PC: variants seen among roughly 807,000 people sequenced by gnomAD.
PC encodes pyruvate carboxylase, mitochondrial.
A neutral mutation model predicts 107.8 loss-of-function variants in PC; 46 were observed. The ratio of observed to expected loss-of-function variants is 0.43; its 90% CI spans 0.34 to 0.55. The LOEUF (loss-of-function observed/expected upper bound fraction) is 0.55. PC is among the 20% of genes least tolerant of loss of function. PC has a pLI of 0.04. For missense variants in PC, 1,241 were observed against 1,643.1 expected, an observed-to-expected ratio of 0.76 and a Z score of 4.23; for synonymous variants, 662 against 684.7, an observed-to-expected ratio of 0.97 and a Z score of 0.52.
At chr11:66,883,630 C>A (rs796751845) in intron 3 of PC, among the ~76,000 whole-genome samples, 2 of 152,174 alleles carry the variant, frequency 1.3e-5, no homozygotes, top group African/African-American at 4.8e-5. Flanking sequence ...CTTTAATAGA[C>A]ACTGTTAGGG....
chr11:66,853,061 G>A, intron 13 of PC, 178 bp downstream of exon 13: 1 of 736,252 alleles, frequency 1.4e-6, no homozygotes. Flanking sequence ...TCAGAAGCAA[G>A]GAGAGCAGTG....
chr11:66,851,615 G>A (rs1945495141), intron 16 of PC, among the ~76,000 whole-genome samples, 175 bp downstream of exon 16: 1 of 152,210 alleles, frequency 6.6e-6, no homozygotes, highest in South Asian at 2.1e-4. Context: ...AGCCTGTCTG[G>A]TTCTGCAACT....
At chr11:66,864,256 G>C (rs936422502) in intron 11 of PC, among the ~76,000 whole-genome samples, 12 of 152,228 alleles carry the variant, frequency 7.9e-5, no homozygotes, top group Non-Finnish European at 1.8e-4. Context: ...GGGCAGGCAG[G>C]GGCCAGCCCT....
At position 66,870,569 on chromosome 11, in the gene PC, A is replaced by T; in HGVS notation, c.752-116T>A. 2.3e-6 allele frequency: 3 copies of T among 1,278,076 alleles called. No individual in the cohort carries two copies. In the South Asian group the frequency reaches 3.7e-5, roughly 16 times the overall value. The allele number at this position is 1,278,076 out of a possible 1,614,324, so 79.2% of individuals were successfully genotyped here. On this transcript the variant is annotated intron_variant, in intron 8 of 22. Coordinates refer to ENST00000393960, the MANE Select transcript of PC (RefSeq NM_001040716.2). This position sits in a 1 kb window ranked among gnomAD's most constrained non-coding sequence, Gnocchi z 6.1. The stretch of plus-strand genomic sequence containing the variant: ...TCAGTGCCGGCTGCCAGCGGTACAG[A>T]GGCTGCCAGGAGAGACACCAGCATC...
Position 66,936,265 on chromosome 11 carries a change from G to A in PC, c.-1+16165C>T, listed in dbSNP as rs1442941281. ...CTGTCACACACACACACAAAAAAAA[G>A]GTGGGGGGGGAGAGAAAAAAAGAAA... On this transcript the variant is annotated intron_variant, in intron 3 of 22. Transcript: ENST00000393960. Among the ~76,000 whole-genome samples, 4 of 149,868 alleles carry A rather than the reference G, an allele frequency of 2.7e-5. No individual in the cohort carries two copies. In the South Asian group the frequency reaches 6.3e-4, roughly 23 times the overall value.
chr11:66,957,708 C>G lies in PC; in HGVS notation c.-228+614G>C, dbSNP rs1161492360. 1.3e-5 allele frequency: 2 copies of G among 152,260 alleles called. 1 individual carries two copies. The highest frequency in any genetic ancestry group is 6.3e-3 in the Middle Eastern group (2 of 316). 9.4% of individuals were successfully genotyped at this position (152,260 alleles called of 1,614,324 possible). A position where few individuals can be genotyped will look rare whatever the true frequency, so the allele number is the denominator to read the frequency against. ...GATGCGCTTTGTAAACTACTAAAAG[C>G]TGGAGAAATAAGGGGCTGAGCCCAG... On this transcript the variant is annotated intron_variant, in intron 1 of 22. Coordinates refer to ENST00000393960, the MANE Select transcript of PC (RefSeq NM_001040716.2).
At chr11:66,939,874 T>A (rs1261173017) in intron 3 of PC, among the ~76,000 whole-genome samples, 7 of 116,382 alleles carry the variant, frequency 6.0e-5, no homozygotes, top group African/African-American at 2.0e-4. Flanking sequence ...CAGAGACACA[T>A]GAGAAAGAAT....
At chr11:66,923,380 C>CAAA (rs1330022143) in intron 3 of PC, among the ~76,000 whole-genome samples, 210 of 104,492 alleles carry the variant, frequency 2.0e-3, no homozygotes, top group African/African-American at 7.5e-3. Flanking sequence ...GACTCCGTCT[C>CAAA]AAAAAAAAAA....
chr11:66,852,508 C>T lies in PC; in HGVS notation c.1756G>A (p.Asp586Asn), dbSNP rs371922891. 1.9e-5 allele frequency: 30 copies of T among 1,614,036 alleles called. No homozygotes were observed. The highest frequency in any genetic ancestry group is 2.0e-5 in the Non-Finnish European group (24 of 1,180,036). Residue 586 changes from aspartate to asparagine, a missense_variant, in exon 15 of 23, where the codon GAT becomes AAT. Around this residue, in one of 2 missense-constraint regions of PC, gnomAD observed 1,143 missense variants for 1,551.9 expected, o/e 0.74. Transcript: ENST00000393960. This position sits in a 1 kb window ranked among gnomAD's most constrained non-coding sequence, Gnocchi z 4.7. ...ACATAGGGGGCGATCTTTTTGAGAT[C>T]GTGGGTGCGCACACGAGTGGCCAGC... Reference protein sequence around the residue: ...SLLATRVRTHDLKKIAPYVAH... With the variant: ...SLLATRVRTHNLKKIAPYVAH...
At chr11:66,953,150 A>G (rs1175256745) in intron 2 of PC, among the ~76,000 whole-genome samples, 1 of 152,120 alleles carries the variant, frequency 6.6e-6, no homozygotes, top group Non-Finnish European at 1.5e-5. Context: ...TCTGCCACCC[A>G]CTACACATGA....
chr11:66,858,473 G>C lies in PC; in HGVS notation c.1369-5090C>G, dbSNP rs1457666425. On this transcript the variant is annotated intron_variant, in intron 12 of 22. Coordinates refer to ENST00000393960, the MANE Select transcript of PC (RefSeq NM_001040716.2). The surrounding 1 kb of genome is among the most constrained non-coding windows in gnomAD (Gnocchi z 5.9). The stretch of plus-strand genomic sequence containing the variant: ...CCCTGCACTGCAACTGTGAGCTGCT[G>C]TGGCTGCGGCGGCTGGCGCGGCCGG... 3.2e-6 allele frequency: 5 copies of C among 1,546,810 alleles called. No homozygotes were observed. The highest frequency in any genetic ancestry group is 4.3e-6 in the Non-Finnish European group (5 of 1,152,670).
chr11:66,852,560 C>G lies in PC; in HGVS notation c.1704G>C (p.Thr568=). ...RNHPGLLLMD[T]TFRDAHQSLL... ...GTGACTGGTGGGCGTCCCTGAAGGTCGTGTCCATCAGCAGCAGCCCCGGGT... is the reference window on the plus strand; with the variant it reads ...GTGACTGGTGGGCGTCCCTGAAGGTGGTGTCCATCAGCAGCAGCCCCGGGT... Residue 568 remains threonine, a synonymous_variant, in exon 15 of 23, where the codon ACG becomes ACC. Transcript: ENST00000393960. This position sits in a 1 kb window ranked among gnomAD's most constrained non-coding sequence, Gnocchi z 4.7. The G allele has an allele frequency of 6.2e-7, 1 of 1,614,018 alleles. No individual in the cohort carries two copies.
rs1404381898 is a variant in PC, at chr11:66,858,523, CGCCCGGCCTGGCCG to C, written c.1369-5154_1369-5141del. On this transcript the variant is annotated intron_variant, in intron 12 of 22. Transcript: ENST00000393960. This position sits in a 1 kb window ranked among gnomAD's most constrained non-coding sequence, Gnocchi z 5.9. Reference sequence around the variant, plus strand: ...GACGACCTGGAAACGTGCGCCTCCCCGCCCGGCCTGGCCGGCCGCTACTTCTGGGCAGTGCCCGA... The same window carrying C: ...GACGACCTGGAAACGTGCGCCTCCCCGCCGCTACTTCTGGGCAGTGCCCGA... 2.6e-6 allele frequency: 4 copies of C among 1,534,434 alleles called. No individual in the cohort carries two copies. Among genetic ancestry groups the C allele is most frequent in the Non-Finnish European group, 3.5e-6 (4 of 1,145,694 alleles).
chr11:66,848,778 T>C lies in PC; in HGVS notation c.*121A>G. ...AGGCGGTGTCTCTCCTGTCCAGCTG[T>C]GGACAGGACCTCCACGGCCCGGCCT... is the stretch of plus-strand genomic sequence containing the variant. On this transcript the variant is annotated 3_prime_UTR_variant, in exon 23 of 23. Transcript: ENST00000393960. The C allele has an allele frequency of 8.0e-7, 1 of 1,252,548 alleles. No individual in the cohort carries two copies. The highest frequency in any genetic ancestry group is 1.2e-6 in the Non-Finnish European group (1 of 867,826). The allele number at this position is 1,252,548 out of a possible 1,614,324, so 77.6% of individuals were successfully genotyped here.
chr11:66,865,312 G>A (rs1946445254), intron 11 of PC, among the ~76,000 whole-genome samples: 1 of 152,258 alleles, frequency 6.6e-6, no homozygotes, highest in African/African-American at 2.4e-5. Context: ...AAGCCCGGGG[G>A]CCTCTGCCTT....
At chr11:66,893,070 G>C (rs759712644) in intron 3 of PC, among the ~76,000 whole-genome samples, 5 of 152,144 alleles carry the variant, frequency 3.3e-5, no homozygotes, top group Non-Finnish European at 5.9e-5. Flanking sequence ...CAGACCCTTA[G>C]AACAAGTCAG....
In PC at chr11:66,866,090, C is replaced by A; in HGVS notation, c.1185+97G>T. Reference sequence around the variant, plus strand: ...GAGCCCACATGCGGGTCCTCCCTAACTGCCGGGCTGTGGCAACTTGGCACT... The same window carrying A: ...GAGCCCACATGCGGGTCCTCCCTAAATGCCGGGCTGTGGCAACTTGGCACT... On this transcript the variant is annotated intron_variant, in intron 11 of 22. Coordinates refer to ENST00000393960, the MANE Select transcript of PC (RefSeq NM_001040716.2). This position sits in a 1 kb window ranked among gnomAD's most constrained non-coding sequence, Gnocchi z 5.4. The A allele has an allele frequency of 4.3e-6, 6 of 1,398,004 alleles. No homozygotes were observed. Among genetic ancestry groups the A allele is most frequent in the Non-Finnish European group, 5.9e-6 (6 of 1,013,348 alleles). The allele number at this position is 1,398,004 out of a possible 1,614,324, so 86.6% of individuals were successfully genotyped here.
intron 3 of PC, among the ~76,000 whole-genome samples, chr11:66,905,517 T>C (rs1291101191): frequency 6.6e-6 from 1 of 152,214 alleles, no homozygotes; most frequent in Non-Finnish European, 1.5e-5. Context: ...AAAATAAGAA[T>C]AATTATTTGA....
chr11:66,925,023 T>C (rs1948680827), intron 3 of PC, among the ~76,000 whole-genome samples: 1 of 152,066 alleles, frequency 6.6e-6, no homozygotes, highest in East Asian at 1.9e-4. Flanking sequence ...TTTTTATTAG[T>C]GATTTTCAAA....
Sources: allele counts gnomAD v4.1 joint callset (sites outside exome capture counted in the v4.1 genomes callset), GRCh38; gene constraint gnomAD v4.1.1; regional missense constraint gnomAD v4.1.1; non-coding constraint Gnocchi (gnomAD v3.1); transcripts MANE v1.5; gene names NCBI Gene and HGNC (gene_info 2026-07-23, HGNC 2026-07-21).